MARCHF4: variants seen among roughly 807,000 people sequenced by gnomAD.
MARCHF4 encodes the protein E3 ubiquitin-protein ligase MARCHF4.
MARCHF4 carries 14 observed loss-of-function variants against 43.9 expected under a neutral mutation model. The ratio of observed to expected loss-of-function variants is 0.32; its 90% CI spans 0.21 to 0.50. The LOEUF (loss-of-function observed/expected upper bound fraction) is 0.50, where lower values mean the gene tolerates loss of function less well. Ranked by LOEUF, MARCHF4 falls within the 20% of genes least tolerant of loss-of-function variation. The probability of loss-of-function intolerance (pLI) is 0.98; values close to 1 mark genes in which losing one functional copy is unlikely to be tolerated. For missense variants in MARCHF4, 468 were observed against 536.7 expected (o/e 0.87, Z 1.27); for synonymous variants, 226 against 213.3 (o/e 1.06, Z -0.52).
chr2:216,272,150 G>C (rs1264749749), intron 3 of MARCHF4, among the ~76,000 whole-genome samples: 2 of 151,862 alleles, frequency 1.3e-5, no homozygotes, highest in African/African-American at 4.8e-5. Context: ...TACTGTGTCT[G>C]GCCTGAATAA....
chr2:216,315,611 A>C (rs1691760839), intron 1 of MARCHF4, among the ~76,000 whole-genome samples: 2 of 152,238 alleles, frequency 1.3e-5, no homozygotes, highest in Non-Finnish European at 2.9e-5. Context: ...AATGCCTTCA[A>C]GATGTTGAGT....
At chr2:216,357,746 A>G (rs1692522853) in intron 1 of MARCHF4, among the ~76,000 whole-genome samples, 1 of 152,266 alleles carries the variant, frequency 6.6e-6, no homozygotes, top group South Asian at 2.1e-4. Context: ...GACTGTAGTT[A>G]TACTTCAAGT....
intron 1 of MARCHF4, among the ~76,000 whole-genome samples, chr2:216,354,984 T>C (rs1692476942): frequency 7.2e-6 from 1 of 138,468 alleles, no homozygotes; most frequent in South Asian, 2.3e-4. Context: ...TCTTTCTTTC[T>C]TTTTTGAGAC....
At chr2:216,300,115 A>G (rs537405060) in intron 1 of MARCHF4, among the ~76,000 whole-genome samples, 121 of 152,228 alleles carry the variant, frequency 7.9e-4, no homozygotes, top group Non-Finnish European at 1.5e-3. Context: ...AATCTACCAC[A>G]TTAACTTTGT....
chr2:216,366,959 A>G (rs1290175120), intron 1 of MARCHF4, among the ~76,000 whole-genome samples: 1 of 152,204 alleles, frequency 6.6e-6, no homozygotes, highest in African/African-American at 2.4e-5. Context: ...TGCACCAATG[A>G]ATGGATGCAA....
At chr2:216,301,785 A>G (rs1440341971) in intron 1 of MARCHF4, among the ~76,000 whole-genome samples, 1 of 152,244 alleles carries the variant, frequency 6.6e-6, no homozygotes, top group African/African-American at 2.4e-5. Context: ...ATGTTGGACA[A>G]ATTACTTAAC....
At chr2:216,300,348 A>ACCCATATATATACGTATATATATG (rs1463914310) in intron 1 of MARCHF4, among the ~76,000 whole-genome samples, 1 of 120,578 alleles carries the variant, frequency 8.3e-6, no homozygotes, top group African/African-American at 2.9e-5. Context: ...ATATATATAT[A>ACCCATATATATACGTATATATATG]TGTATATATA....
intron 1 of MARCHF4, among the ~76,000 whole-genome samples, chr2:216,344,889 A>G (rs1253216515): frequency 4.6e-5 from 7 of 151,932 alleles, no homozygotes; most frequent in Admixed American, 4.6e-4. Flanking sequence ...CACTCTGGGA[A>G]GGAGGCCGGG....
intron 1 of MARCHF4, among the ~76,000 whole-genome samples, chr2:216,297,440 CA>C (rs1036433045): frequency 3.3e-5 from 5 of 152,292 alleles, no homozygotes; most frequent in East Asian, 1.9e-4. Flanking sequence ...ACTCAGGGAT[CA>C]GGGGGATATT....
chr2:216,327,996 A>G (rs1375263487), intron 1 of MARCHF4, among the ~76,000 whole-genome samples: 1 of 152,010 alleles, frequency 6.6e-6, no homozygotes, highest in African/African-American at 2.4e-5. Flanking sequence ...GAGAAAAGAA[A>G]GAAAGCTCTC....
chr2:216,363,396 T>C (rs994590348), intron 1 of MARCHF4, among the ~76,000 whole-genome samples: 1 of 152,234 alleles, frequency 6.6e-6, no homozygotes. Context: ...GTGAGACAGA[T>C]GCATTCAATG....
intron 1 of MARCHF4, among the ~76,000 whole-genome samples, chr2:216,344,256 C>CAAAA (rs2105975961): frequency 6.6e-6 from 1 of 151,852 alleles, no homozygotes; most frequent in South Asian, 2.1e-4. Flanking sequence ...AACAAACAAA[C>CAAAA]AAACAAACAA....
At chr2:216,274,145 T>C (rs1690985613) in intron 3 of MARCHF4, among the ~76,000 whole-genome samples, 1 of 152,164 alleles carries the variant, frequency 6.6e-6, no homozygotes, top group African/African-American at 2.4e-5. Flanking sequence ...ACCCTGGAAA[T>C]GATGCTCAGG....
chr2:216,269,226 C>G (rs1690895273), intron 3 of MARCHF4, among the ~76,000 whole-genome samples: 2 of 152,176 alleles, frequency 1.3e-5, no homozygotes, highest in Non-Finnish European at 1.5e-5. Flanking sequence ...TCTCTTACAT[C>G]TGTGGAGTTA....
intron 1 of MARCHF4, among the ~76,000 whole-genome samples, chr2:216,337,474 A>G (rs1338083242): frequency 6.6e-6 from 1 of 152,206 alleles, no homozygotes; most frequent in Non-Finnish European, 1.5e-5. Flanking sequence ...CAAAATATTT[A>G]GTTATTTTGG....
chr2:216,258,522 G>GTGTGTGTT lies in MARCHF4; in HGVS notation c.*789_*790insAACACACA, dbSNP rs1174067985. 6.5e-6 allele frequency: 1 copy of GTGTGTGTT among 153,364 alleles called. No homozygotes were observed. The highest frequency in any genetic ancestry group is 1.4e-5 in the Non-Finnish European group (1 of 69,006). The allele number at this position is 153,364 out of a possible 1,614,324, so 9.5% of individuals were successfully genotyped here. A position where few individuals can be genotyped will look rare whatever the true frequency, so the allele number is the denominator to read the frequency against. On this transcript the variant is annotated 3_prime_UTR_variant, in exon 4 of 4. Coordinates refer to ENST00000273067, the MANE Select transcript of MARCHF4 (RefSeq NM_020814.3). Reference sequence around the variant, plus strand: ...TTTCTCTAGGGGTGTGTGTGTGTGTGTGTGTGTGTGTGTGTGTGTGTGTCC... The same window carrying GTGTGTGTT: ...TTTCTCTAGGGGTGTGTGTGTGTGTGTGTGTGTTTGTGTGTGTGTGTGTGTGTGTGTCC...
At chr2:216,283,024 G>T (rs1691155734) in intron 2 of MARCHF4, among the ~76,000 whole-genome samples, 1 of 152,114 alleles carries the variant, frequency 6.6e-6, no homozygotes, top group Non-Finnish European at 1.5e-5. Context: ...CCTGCATTTT[G>T]AGAAGACTGC....
At chr2:216,325,198 G>C (rs1691968772) in intron 1 of MARCHF4, among the ~76,000 whole-genome samples, 2 of 152,174 alleles carry the variant, frequency 1.3e-5, no homozygotes, top group African/African-American at 4.8e-5. Flanking sequence ...CAGATCATGA[G>C]TGAACTCCCA....
Position 216,370,028 on chromosome 2 carries a change from G to T in MARCHF4, c.233C>A (p.Thr78Asn), listed in dbSNP as rs1559109979. The part of the protein sequence containing the change: ...PQPPGLAANN[T>N]LPALGAGGWA... Reference sequence around the variant, plus strand: ...CCCCCCGGCGCCCAGAGCCGGAAGGGTGTTGTTGGCCGCCAAACCGGGGGG... The same window carrying T: ...CCCCCCGGCGCCCAGAGCCGGAAGGTTGTTGTTGGCCGCCAAACCGGGGGG... The change falls in exon 1 of 4, where the codon ACC becomes AAC. Residue 78 changes from threonine to asparagine, a missense_variant. This residue lies in a region of MARCHF4 where 190 missense variants were observed against 158.5 expected (regional missense o/e 1.20). Transcript: ENST00000273067. 1.9e-6 allele frequency: 3 copies of T among 1,549,044 alleles called. No homozygotes were observed. Among genetic ancestry groups the T allele is most frequent in the Middle Eastern group, 2.0e-4 (1 of 5,120 alleles).
Sources: gnomAD v4.1 joint callset for allele counts (sites outside exome capture counted in the v4.1 genomes callset) on GRCh38, gnomAD v4.1.1 for gene constraint, gnomAD v4.1.1 regional missense constraint, MANE v1.5 for transcripts, NCBI Gene and HGNC (gene_info 2026-07-23, HGNC 2026-07-21) for gene names.